The following DPP10 variants were observed in gnomAD, a reference collection of about 807,000 sequenced individuals.
DPP10 encodes inactive dipeptidyl peptidase 10.
A neutral mutation model predicts 120.9 loss-of-function variants in DPP10; 33 were observed. The observed-to-expected ratio is 0.27, with a 90% CI of 0.21 to 0.37. The LOEUF is 0.37. DPP10 is among the 10% of genes least tolerant of loss of function. DPP10 has a pLI of 1.00. For synonymous variants in DPP10, 337 were observed against 326.1 expected (o/e 1.03, Z -0.36); for missense variants, 816 against 942.8 (o/e 0.87, Z 1.76).
chr2:115,059,740 G>A (rs1573464128), intron 1 of DPP10, among the ~76,000 whole-genome samples: 2 of 149,940 alleles, frequency 1.3e-5, no homozygotes, highest in Admixed American at 1.3e-4. Context: ...TGGCGGGGAC[G>A]GGAAGGAGCC....
At chr2:114,559,240 T>C (rs552591967) in intron 1 of DPP10, among the ~76,000 whole-genome samples, 1 of 152,256 alleles carries the variant, frequency 6.6e-6, no homozygotes, top group Admixed American at 6.5e-5. Context: ...TCCTGGATTG[T>C]ACTGTTAGGT....
intron 1 of DPP10, among the ~76,000 whole-genome samples, chr2:115,144,595 C>A (rs2051117286): frequency 7.1e-6 from 1 of 140,376 alleles, no homozygotes; most frequent in Non-Finnish European, 1.5e-5. Context: ...CCTCTTCACT[C>A]ATAGGTGGGA....
intron 1 of DPP10, among the ~76,000 whole-genome samples, chr2:115,125,245 C>T (rs2050014411): frequency 6.6e-6 from 1 of 152,156 alleles, no homozygotes; most frequent in Non-Finnish European, 1.5e-5. Context: ...AAAAGTATTT[C>T]TTCTATCTCA....
chr2:114,713,380 A>G lies in DPP10; in HGVS notation c.60+270542A>G, dbSNP rs372390083. On this transcript the variant is annotated intron_variant, in intron 1 of 25. Transcript: ENST00000410059. ...GGTTAAAGGGTAAAATTATTTTAGAATTGCTGATATGTATAGACAGACTGT... is the reference window on the plus strand; with the variant it reads ...GGTTAAAGGGTAAAATTATTTTAGAGTTGCTGATATGTATAGACAGACTGT... 2.6e-4 allele frequency among the ~76,000 whole-genome samples: 39 copies of G among 152,298 alleles called. No homozygotes were observed. The East Asian group carries it at 5.2e-3, about 20-fold the overall frequency.
chr2:115,216,458 A>T (rs1024660710), intron 1 of DPP10, among the ~76,000 whole-genome samples: 1 of 152,156 alleles, frequency 6.6e-6, no homozygotes, highest in Non-Finnish European at 1.5e-5. Flanking sequence ...GTAAGTGTGT[A>T]TGTATATATA....
intron 1 of DPP10, among the ~76,000 whole-genome samples, chr2:115,162,731 C>G (rs1338031024): frequency 6.6e-6 from 1 of 152,068 alleles, no homozygotes; most frequent in Non-Finnish European, 1.5e-5. Context: ...GAGGGTTATT[C>G]CTGTCTCTTT....
At chr2:115,491,559 A>T (rs1259783031) in intron 3 of DPP10, among the ~76,000 whole-genome samples, 2 of 151,956 alleles carry the variant, frequency 1.3e-5, no homozygotes, top group Non-Finnish European at 1.5e-5. Flanking sequence ...AGAGGAGATT[A>T]TCTTGGGGCA....
intron 5 of DPP10, among the ~76,000 whole-genome samples, chr2:115,609,602 A>C (rs1432425957): frequency 6.6e-6 from 1 of 152,134 alleles, no homozygotes; most frequent in Non-Finnish European, 1.5e-5. Context: ...CCAAAAACAA[A>C]AAAAACAAAA....
intron 1 of DPP10, among the ~76,000 whole-genome samples, chr2:114,655,651 C>T (rs1489709527): frequency 6.6e-6 from 1 of 152,042 alleles, no homozygotes; most frequent in Non-Finnish European, 1.5e-5. Context: ...TCAAATGTAA[C>T]TTCTTTTCTT....
intron 1 of DPP10, among the ~76,000 whole-genome samples, chr2:114,554,777 C>G (rs1688156299): frequency 6.6e-6 from 1 of 152,214 alleles, no homozygotes; most frequent in East Asian, 1.9e-4. Flanking sequence ...TTTCAGTGCA[C>G]CTTAAATGGT....
intron 1 of DPP10, among the ~76,000 whole-genome samples, chr2:114,955,019 A>G (rs1362145478): frequency 6.6e-6 from 1 of 152,242 alleles, no homozygotes; most frequent in Non-Finnish European, 1.5e-5. Flanking sequence ...TTACAGGAAT[A>G]GGGTTCCAAT....
At chr2:115,556,884 C>T (rs2080251381) in intron 5 of DPP10, among the ~76,000 whole-genome samples, 1 of 152,084 alleles carries the variant, frequency 6.6e-6, no homozygotes, top group African/African-American at 2.4e-5. Flanking sequence ...GCAAAGCTTG[C>T]ACAGCTTTGT....
At chr2:114,893,896 A>C (rs1327614906) in intron 1 of DPP10, among the ~76,000 whole-genome samples, 1 of 152,136 alleles carries the variant, frequency 6.6e-6, no homozygotes, top group East Asian at 1.9e-4. Context: ...CGCTAGAATT[A>C]ACTGTGGTCC....
chr2:114,481,742 C>A (rs957262650), intron 1 of DPP10, among the ~76,000 whole-genome samples: 27 of 152,026 alleles, frequency 1.8e-4, no homozygotes, highest in African/African-American at 6.3e-4. Context: ...AAAGATACTA[C>A]CTGAGACTGG....
chr2:115,771,940 G>A lies in DPP10; in HGVS notation c.1221+3536G>A, dbSNP rs75307048. 2.3e-3 allele frequency among the ~76,000 whole-genome samples: 341 copies of A among 151,476 alleles called. 10 individuals are homozygous for A. In the East Asian group the frequency reaches 0.033, roughly 15 times the overall value. ...TTAGAGACCAAGCTAGACAATTATTGATTTCAAGCTATTTTCATTATGGAG... is the reference window on the plus strand; with the variant it reads ...TTAGAGACCAAGCTAGACAATTATTAATTTCAAGCTATTTTCATTATGGAG... On this transcript the variant is annotated intron_variant, in intron 13 of 25. Coordinates refer to ENST00000410059, the MANE Select transcript of DPP10 (RefSeq NM_020868.6).
intron 5 of DPP10, among the ~76,000 whole-genome samples, chr2:115,592,918 T>G: frequency 6.6e-6 from 1 of 152,216 alleles, no homozygotes; most frequent in East Asian, 1.9e-4. Context: ...TTTTATAATA[T>G]GTGAAATAAA....
chr2:114,468,672 A>C (rs1194307723), intron 1 of DPP10, among the ~76,000 whole-genome samples: 1 of 152,186 alleles, frequency 6.6e-6, no homozygotes, highest in East Asian at 1.9e-4. Context: ...TAATTAAATA[A>C]AAGAAAAAGT....
At chr2:114,955,293 G>C (rs1399496732) in intron 1 of DPP10, among the ~76,000 whole-genome samples, 2 of 152,140 alleles carry the variant, frequency 1.3e-5, no homozygotes, top group Admixed American at 1.3e-4. Flanking sequence ...TCACCATTTT[G>C]GTTTTGGCCG....
intron 5 of DPP10, among the ~76,000 whole-genome samples, chr2:115,630,338 C>A (rs915937574): frequency 6.6e-6 from 1 of 152,126 alleles, no homozygotes; most frequent in Non-Finnish European, 1.5e-5. Flanking sequence ...GATATAGGAT[C>A]ATGTCATCTG....
Sources: gnomAD v4.1 joint callset for allele counts (sites outside exome capture counted in the v4.1 genomes callset) on GRCh38, gnomAD v4.1.1 for gene constraint, MANE v1.5 for transcripts, NCBI Gene and HGNC (gene_info 2026-07-23, HGNC 2026-07-21) for gene names.